SAMD12: variants seen among roughly 807,000 people sequenced by gnomAD.
The protein encoded by SAMD12 is sterile alpha motif domain-containing protein 12.
SAMD12 carries 9 observed loss-of-function variants against 15.0 expected under a neutral mutation model. That is an observed-to-expected ratio of 0.60 (90% confidence interval 0.36 to 1.05). The LOEUF (loss-of-function observed/expected upper bound fraction) is 1.05, where lower values mean the gene tolerates loss of function less well. Among genes scored for constraint, SAMD12 ranks in the 50% least tolerant of loss-of-function variants. The pLI is 0.01. For synonymous variants in SAMD12, 86 were observed against 90.1 expected, an observed-to-expected ratio of 0.96 and a Z score of 0.25; for missense variants, 230 against 234.2, an observed-to-expected ratio of 0.98 and a Z score of 0.12.
At chr8:118,147,991 G>A in the SAMD12 span, among the ~76,000 whole-genome samples, 1 of 151,206 alleles carries the variant, frequency 6.6e-6, no homozygotes, top group East Asian at 2.0e-4. Flanking sequence ...GCAGTGGTGT[G>A]ATTTCGTCTC....
chr8:118,439,981 A>G lies in SAMD12; in HGVS notation c.193-20T>C, dbSNP rs766274873. ...AGCTGACTATAAATAAAGAAGGAAG[A>G]TCTGTCAATGCTGGCCCCATGCCTA... On this transcript the variant is annotated intron_variant, in intron 2 of 3. Transcript: ENST00000314727. 2.7e-5 allele frequency: 44 copies of G among 1,612,952 alleles called. No individual in the cohort carries two copies. The highest frequency in any genetic ancestry group is 2.5e-5 in the Non-Finnish European group (29 of 1,179,304).
chr8:118,298,222 C>A (rs551351820), intron 4 of SAMD12, among the ~76,000 whole-genome samples: 2 of 152,260 alleles, frequency 1.3e-5, no homozygotes, highest in South Asian at 4.1e-4. Flanking sequence ...AAAATTGATT[C>A]CATAAATGAA....
rs531396963 is a variant in SAMD12 at position 118,437,976 on chromosome 8, G to A, written c.322+1856C>T. ...TGAAAAAGGCTTTGCCATTACTATC[G>A]CACAGGCATTAAAAAACATTAAGCA... is the stretch of plus-strand genomic sequence containing the variant. On this transcript the variant is annotated intron_variant, in intron 3 of 3. Transcript: ENST00000314727. Among the ~76,000 whole-genome samples, 8 of 152,144 alleles carry A rather than the reference G, an allele frequency of 5.3e-5. No individual in the cohort carries two copies. The South Asian group carries it at 1.2e-3, about 24-fold the overall frequency.
intron 4 of SAMD12, among the ~76,000 whole-genome samples, chr8:118,298,390 G>A (rs1436102183): frequency 6.6e-6 from 1 of 152,112 alleles, no homozygotes; most frequent in African/African-American, 2.4e-5. Context: ...TTATGAACAT[G>A]CACTACCTAT....
chr8:118,390,538 C>A (rs1820218113), intron 3 of SAMD12, among the ~76,000 whole-genome samples: 1 of 152,136 alleles, frequency 6.6e-6, no homozygotes. Flanking sequence ...GCTTAAGTGA[C>A]CCCCAGCCCA....
the SAMD12 span, among the ~76,000 whole-genome samples, chr8:118,154,501 T>C: frequency 1.3e-5 from 2 of 152,200 alleles, no homozygotes; most frequent in Non-Finnish European, 2.9e-5. Flanking sequence ...AAAATGTGCA[T>C]GTATCGATTA....
chr8:118,506,846 A>G (rs1824933210), intron 2 of SAMD12, among the ~76,000 whole-genome samples: 1 of 150,852 alleles, frequency 6.6e-6, no homozygotes. Context: ...GTGATGGAGA[A>G]GTCCACAGCT....
chr8:118,480,595 G>C (rs1020309129), intron 2 of SAMD12, among the ~76,000 whole-genome samples: 1 of 152,136 alleles, frequency 6.6e-6, no homozygotes, highest in Non-Finnish European at 1.5e-5. Context: ...ATAAACTGTT[G>C]CAATAGTCTC....
At chr8:118,246,622 A>G (rs1180828116) in intron 4 of SAMD12, among the ~76,000 whole-genome samples, 1 of 152,160 alleles carries the variant, frequency 6.6e-6, no homozygotes, top group Non-Finnish European at 1.5e-5. Flanking sequence ...ACATGCAGAA[A>G]AAACATCATA....
chr8:118,365,732 T>C (rs1818731170), intron 4 of SAMD12, among the ~76,000 whole-genome samples: 1 of 152,130 alleles, frequency 6.6e-6, no homozygotes, highest in South Asian at 2.1e-4. Context: ...ACCCTATTGG[T>C]TGTTTCTCTC....
At chr8:118,412,908 A>G (rs955468824) in intron 3 of SAMD12, among the ~76,000 whole-genome samples, 1 of 152,160 alleles carries the variant, frequency 6.6e-6, no homozygotes, top group Admixed American at 6.5e-5. Flanking sequence ...GGCCCTAGCT[A>G]TGTGACATGC....
chr8:118,453,377 T>C (rs1185690357), intron 2 of SAMD12, among the ~76,000 whole-genome samples: 1 of 152,228 alleles, frequency 6.6e-6, no homozygotes, highest in Non-Finnish European at 1.5e-5. Flanking sequence ...TCCAGTGTCA[T>C]ATCCACTAAC....
At chr8:118,181,578 G>T in the SAMD12 span, among the ~76,000 whole-genome samples, 1 of 152,154 alleles carries the variant, frequency 6.6e-6, no homozygotes, top group Admixed American at 6.5e-5. Context: ...ATGAGAGAGG[G>T]TCTCTTTCTG....
intron 2 of SAMD12, among the ~76,000 whole-genome samples, chr8:118,556,026 A>G (rs553873598): frequency 1.3e-4 from 20 of 152,330 alleles, no homozygotes; most frequent in Admixed American, 1.2e-3. Flanking sequence ...AAGAAGAGGA[A>G]TAAGTCACAT....
At position 118,578,228 on chromosome 8, in the gene SAMD12, GA is replaced by G. The variant is rs563004215; in HGVS notation, c.192+2486del. On this transcript the variant is annotated intron_variant, in intron 2 of 3. Transcript: ENST00000314727. Reference sequence around the variant, plus strand: ...ACAGGTCTTCTACATCCTCATAAAGGAAAAATTATATCCCATTGCATTAATA... The same window carrying G: ...ACAGGTCTTCTACATCCTCATAAAGGAAAATTATATCCCATTGCATTAATA... 9.8e-4 allele frequency among the ~76,000 whole-genome samples: 149 copies of G among 152,160 alleles called. 1 individual carries two copies. Among genetic ancestry groups the G allele is most frequent in the Middle Eastern group, 3.4e-3 (1 of 294 alleles).
rs546326927 is a variant in SAMD12 at position 118,425,090 on chromosome 8, C to T, written c.322+14742G>A. ...AGTAGCTGGGACTACAGGCGCCCGC[C>T]ACCACGCCCAGCTAATTTTTTGTGT... On this transcript the variant is annotated intron_variant, in intron 3 of 3. Transcript: ENST00000314727. Among the ~76,000 whole-genome samples the T allele has an allele frequency of 1.6e-4, 24 of 152,166 alleles. No individual in the cohort carries two copies. In the South Asian group the frequency reaches 4.2e-3, roughly 26 times the overall value.
At chr8:118,594,383 T>C (rs1009880500) in intron 1 of SAMD12, among the ~76,000 whole-genome samples, 1 of 152,140 alleles carries the variant, frequency 6.6e-6, no homozygotes, top group Non-Finnish European at 1.5e-5. Context: ...TGTATGTATC[T>C]GTGCACATGA....
chr8:118,411,425 C>T (rs756580967), intron 3 of SAMD12, among the ~76,000 whole-genome samples: 1 of 152,034 alleles, frequency 6.6e-6, no homozygotes, highest in Non-Finnish European at 1.5e-5. Flanking sequence ...CAGGGTATGA[C>T]GATGAAACTA....
intron 3 of SAMD12, among the ~76,000 whole-genome samples, chr8:118,398,061 C>G (rs929000853): frequency 1.3e-5 from 2 of 152,140 alleles, no homozygotes; most frequent in Non-Finnish European, 2.9e-5. Context: ...AGTGCTGGAA[C>G]TACAGGTGTG....
Sources: gnomAD v4.1 joint callset for allele counts (sites outside exome capture counted in the v4.1 genomes callset) on GRCh38, gnomAD v4.1.1 for gene constraint, MANE v1.5 for transcripts, NCBI Gene and HGNC (gene_info 2026-07-23, HGNC 2026-07-21) for gene names.